Variants in CLEC6A observed in about 807,000 individuals in gnomAD.
CLEC6A encodes the protein C-type lectin domain family 6 member A.
Under a neutral mutation model 25.7 loss-of-function variants are expected in CLEC6A, and 22 were observed. The ratio of observed to expected loss-of-function variants is 0.85; its 90% CI spans 0.61 to 1.22. CLEC6A has a LOEUF of 1.22. Among genes scored for constraint, CLEC6A ranks in the 50% most tolerant of loss-of-function variants. CLEC6A has a pLI of 0.00. For synonymous variants in CLEC6A, 92 were observed against 76.7 expected, an observed-to-expected ratio of 1.20 and a Z score of -1.04; for missense variants, 240 against 236.8, an observed-to-expected ratio of 1.01 and a Z score of -0.09.
chr12:8,466,696 C>T lies in CLEC6A; in HGVS notation c.369+1067C>T, dbSNP rs147929579. Reference sequence around the variant, plus strand: ...TTTGAGACAGAGTGTCGCTCTGTTGCCCAGGCTGGAGTGCAGTGGCGCAAT... The same window carrying T: ...TTTGAGACAGAGTGTCGCTCTGTTGTCCAGGCTGGAGTGCAGTGGCGCAAT... On this transcript the variant is annotated intron_variant, in intron 4 of 5. Transcript: ENST00000382073. 9.7e-3 allele frequency among the ~76,000 whole-genome samples: 1,471 copies of T among 151,244 alleles called. 29 individuals carry two copies. Among genetic ancestry groups the T allele is most frequent in the African/African-American group, 0.034 (1,399 of 41,212 alleles).
chr12:8,464,333 C>CTTT (rs763341698), intron 3 of CLEC6A, among the ~76,000 whole-genome samples: 13 of 57,120 alleles, frequency 2.3e-4, no homozygotes, highest in African/African-American at 5.4e-4. Flanking sequence ...CTTTCTTTTT[C>CTTT]TTTTTTTTTT....
rs1939715303 is a variant in CLEC6A at position 8,458,981 on chromosome 12, TA to T, written c.122-613del. 2.6e-5 allele frequency among the ~76,000 whole-genome samples: 4 copies of T among 152,260 alleles called. No individual in the cohort carries two copies. In the South Asian group the frequency reaches 8.3e-4, roughly 32 times the overall value. On this transcript the variant is annotated intron_variant, in intron 2 of 5. Transcript: ENST00000382073. ...CATTAAAAATATTTTTATAAACGTTTAAAGTTTCCCCTTGGTGGTTACTTAG... is the reference window on the plus strand; with the variant it reads ...CATTAAAAATATTTTTATAAACGTTTAAGTTTCCCCTTGGTGGTTACTTAG...
intron 4 of CLEC6A, among the ~76,000 whole-genome samples, chr12:8,470,261 C>T (rs773459893): frequency 6.6e-6 from 1 of 152,068 alleles, no homozygotes; most frequent in South Asian, 2.1e-4. Context: ...CAAGAATGGC[C>T]ATAATCAAAA....
intron 4 of CLEC6A, among the ~76,000 whole-genome samples, chr12:8,468,951 G>C (rs891799414): frequency 4.6e-5 from 7 of 152,014 alleles, no homozygotes; most frequent in Non-Finnish European, 8.8e-5. Flanking sequence ...AATCAGACAA[G>C]AGAAAAAAAC....
intron 3 of CLEC6A, 96 bp downstream of exon 3, chr12:8,459,794 T>A: frequency 1.3e-6 from 1 of 789,130 alleles, no homozygotes; most frequent in Non-Finnish European, 2.2e-6. Context: ...CATTTGTGTG[T>A]GTATGTTTTA....
At chr12:8,467,162 T>C (rs1280972027) in intron 4 of CLEC6A, among the ~76,000 whole-genome samples, 1 of 152,200 alleles carries the variant, frequency 6.6e-6, no homozygotes. Context: ...CCTTAGTTGA[T>C]TGTTTCCTTT....
chr12:8,462,642 G>A (rs1228299223), intron 3 of CLEC6A, among the ~76,000 whole-genome samples: 3 of 149,784 alleles, frequency 2.0e-5, no homozygotes, highest in Non-Finnish European at 3.0e-5. Context: ...CTTTGTTCAC[G>A]TGTTTATCTG....
intron 2 of CLEC6A, among the ~76,000 whole-genome samples, chr12:8,459,099 G>A (rs1042379064): frequency 2.0e-5 from 3 of 152,122 alleles, no homozygotes; most frequent in Non-Finnish European, 4.4e-5. Flanking sequence ...TTAAGGCTAA[G>A]GAGAAGCAGA....
Position 8,477,993 on chromosome 12 carries a change from T to A in CLEC6A, c.*529T>A, listed in dbSNP as rs1410759020. 2 of 152,116 alleles carry A rather than the reference T, an allele frequency of 1.3e-5. No homozygotes were observed. The highest frequency in any genetic ancestry group is 2.9e-5 in the Non-Finnish European group (2 of 67,994). The allele number at this position is 152,116 out of a possible 1,614,324, so 9.4% of individuals were successfully genotyped here. ...CTGGAAATAAATTTTATTCTGCAGTTAGGGATTTGGCATTTTATATATGTT... is the reference window on the plus strand; with the variant it reads ...CTGGAAATAAATTTTATTCTGCAGTAAGGGATTTGGCATTTTATATATGTT... On this transcript the variant is annotated 3_prime_UTR_variant, in exon 6 of 6. Transcript: ENST00000382073.
At chr12:8,464,544 G>T (rs1054908618) in intron 3 of CLEC6A, among the ~76,000 whole-genome samples, 2 of 152,112 alleles carry the variant, frequency 1.3e-5, no homozygotes, top group African/African-American at 4.8e-5. Context: ...TTGTTAGCCA[G>T]GATGGTCTTG....
At chr12:8,463,223 A>G (rs1309121367) in intron 3 of CLEC6A, among the ~76,000 whole-genome samples, 1 of 152,200 alleles carries the variant, frequency 6.6e-6, no homozygotes, top group Non-Finnish European at 1.5e-5. Flanking sequence ...CGAGTGGTAT[A>G]AAATGTGTTC....
chr12:8,457,438 T>C (rs1047124414), intron 1 of CLEC6A, among the ~76,000 whole-genome samples: 5 of 152,232 alleles, frequency 3.3e-5, no homozygotes, highest in Admixed American at 1.3e-4. Flanking sequence ...TATGCCATTG[T>C]ATATATTATA....
chr12:8,477,685 G>C lies in CLEC6A; in HGVS notation c.*221G>C. 1 of 355,094 alleles carries C rather than the reference G, an allele frequency of 2.8e-6. No homozygotes were observed. The allele number at this position is 355,094 out of a possible 1,614,324, so 22.0% of individuals were successfully genotyped here. A position where few individuals can be genotyped will look rare whatever the true frequency, so the allele number is the denominator to read the frequency against. ...GATAGAATGCACCCTTCCTCTCTTT[G>C]TTCCATTCTTTCACTTGTTATTCAT... is the stretch of plus-strand genomic sequence containing the variant. On this transcript the variant is annotated 3_prime_UTR_variant, in exon 6 of 6. Coordinates refer to ENST00000382073, the MANE Select transcript of CLEC6A (RefSeq NM_001007033.2).
chr12:8,457,804 T>C, intron 1 of CLEC6A, 94 bp from the exon 2 acceptor site: 1 of 852,838 alleles, frequency 1.2e-6, no homozygotes, highest in South Asian at 1.4e-5. Flanking sequence ...GCTCTGAGGT[T>C]CTTCATCTAG....
chr12:8,462,250 A>T (rs1465096307), intron 3 of CLEC6A, among the ~76,000 whole-genome samples: 11 of 145,996 alleles, frequency 7.5e-5, no homozygotes, highest in Middle Eastern at 6.9e-3. Context: ...ACCTCTGCCT[A>T]GGAAAGCCAG....
intron 3 of CLEC6A, 31 bp downstream of exon 3, chr12:8,459,729 C>A (rs1939728642): frequency 7.0e-7 from 1 of 1,423,936 alleles, no homozygotes; most frequent in Admixed American, 1.7e-5. Flanking sequence ...AATAGACTTT[C>A]TTTTTTCTCA....
chr12:8,467,038 GTTAT>G (rs1243805437), intron 4 of CLEC6A, among the ~76,000 whole-genome samples: 1 of 152,138 alleles, frequency 6.6e-6, no homozygotes, highest in Non-Finnish European at 1.5e-5. Flanking sequence ...TTTTAACTGT[GTTAT>G]TTGTTTTATT....
intron 4 of CLEC6A, among the ~76,000 whole-genome samples, chr12:8,466,385 T>C (rs1443960704): frequency 6.6e-6 from 1 of 152,210 alleles, no homozygotes; most frequent in African/African-American, 2.4e-5. Context: ...TTGCTTTTAA[T>C]TCTTTGGATA....
chr12:8,460,574 G>C (rs1939739502), intron 3 of CLEC6A: 1 of 956,020 alleles, frequency 1.0e-6, no homozygotes, highest in Non-Finnish European at 1.6e-6. Context: ...CATGGAAAAG[G>C]GGAAGAGCCT....
Sources: allele counts gnomAD v4.1 joint callset (sites outside exome capture counted in the v4.1 genomes callset), GRCh38; gene constraint gnomAD v4.1.1; transcripts MANE v1.5; gene names NCBI Gene and HGNC (gene_info 2026-07-23, HGNC 2026-07-21).